STK32B: variants seen among roughly 807,000 people sequenced by gnomAD.
STK32B encodes the protein serine/threonine kinase 32B.
Under a neutral mutation model 52.6 loss-of-function variants are expected in STK32B, and 43 were observed. The observed-to-expected ratio is 0.82, with a 90% CI of 0.64 to 1.05. The LOEUF (loss-of-function observed/expected upper bound fraction) is 1.05. Ranked by LOEUF, STK32B falls within the 50% of genes least tolerant of loss-of-function variation. STK32B has a pLI of 0.00. For missense variants in STK32B, 621 were observed against 534.6 expected, an observed-to-expected ratio of 1.16 and a Z score of -1.59; for synonymous variants, 238 against 204.3, an observed-to-expected ratio of 1.17 and a Z score of -1.41.
chr4:5,156,145 CAT>C (rs759831580), intron 2 of STK32B, among the ~76,000 whole-genome samples: 56 of 151,404 alleles, frequency 3.7e-4, no homozygotes, highest in Admixed American at 8.6e-4. Flanking sequence ...TATACACACT[CAT>C]ATGTATATGT....
At chr4:5,422,444 G>T (rs1712722936) in intron 6 of STK32B, among the ~76,000 whole-genome samples, 1 of 152,214 alleles carries the variant, frequency 6.6e-6, no homozygotes, top group African/African-American at 2.4e-5. Context: ...ACTCACAAAA[G>T]ATGATCCCGG....
intron 3 of STK32B, among the ~76,000 whole-genome samples, chr4:5,274,504 T>G (rs1479502543): frequency 6.6e-6 from 1 of 151,608 alleles, no homozygotes; most frequent in Non-Finnish European, 1.5e-5. Flanking sequence ...ACATCCACCT[T>G]TAAACACGGG....
intron 4 of STK32B, among the ~76,000 whole-genome samples, chr4:5,361,998 C>T (rs1734577557): frequency 6.6e-6 from 1 of 152,048 alleles, no homozygotes; most frequent in South Asian, 2.1e-4. Context: ...CTTTTTTCAC[C>T]ACCATGAAAC....
At chr4:5,372,539 C>G (rs1189499406) in intron 4 of STK32B, among the ~76,000 whole-genome samples, 1 of 152,138 alleles carries the variant, frequency 6.6e-6, no homozygotes, top group Non-Finnish European at 1.5e-5. Context: ...TGTCAGTAAT[C>G]TAATATTTCA....
chr4:5,102,294 C>T (rs2108795025), intron 1 of STK32B, among the ~76,000 whole-genome samples: 1 of 152,316 alleles, frequency 6.6e-6, no homozygotes, highest in South Asian at 2.1e-4. Context: ...CCATGAGCTC[C>T]TCTGAGAGGT....
At chr4:5,098,262 T>C (rs1000882133) in intron 1 of STK32B, among the ~76,000 whole-genome samples, 1 of 152,178 alleles carries the variant, frequency 6.6e-6, no homozygotes, top group African/African-American at 2.4e-5. Context: ...GAAGGACTTG[T>C]TATGTTTACA....
chr4:5,316,650 A>G lies in STK32B; in HGVS notation c.261-14570A>G, dbSNP rs1413768189. On this transcript the variant is annotated intron_variant, in intron 3 of 11. Transcript: ENST00000282908. ...ATATAATATATAATATATTATATAT[A>G]TAATATATAATATATATTATATATA... 6.2e-4 allele frequency among the ~76,000 whole-genome samples: 6 copies of G among 9,676 alleles called. 1 individual carries two copies. Among genetic ancestry groups the G allele is most frequent in the African/African-American group, 2.2e-3 (2 of 896 alleles). The allele number at this position is 9,676 out of a possible 152,430, so 6.3% of individuals were successfully genotyped here.
At chr4:5,187,621 G>C (rs1020694236) in intron 3 of STK32B, among the ~76,000 whole-genome samples, 1 of 151,970 alleles carries the variant, frequency 6.6e-6, no homozygotes, top group African/African-American at 2.4e-5. Flanking sequence ...GGCCGGGCGG[G>C]GGAGGGGGGG....
At chr4:5,377,427 C>T (rs2109019687) in intron 4 of STK32B, among the ~76,000 whole-genome samples, 1 of 152,306 alleles carries the variant, frequency 6.6e-6, no homozygotes, top group East Asian at 1.9e-4. Flanking sequence ...ATCACAACAC[C>T]TATAAGCGCC....
In STK32B at chr4:5,453,871, C is replaced by T. The variant is rs1716252774; in HGVS notation, c.667-2936C>T. Among the ~76,000 whole-genome samples, 1 of 152,068 alleles carries T rather than the reference C, an allele frequency of 6.6e-6. No homozygotes were observed. Among genetic ancestry groups the T allele is most frequent in the Admixed American group, 6.5e-5 (1 of 15,278 alleles). ...AGTGAGCCGAGATCATACCATTGCA[C>T]TCCAGTCTAGGCGACAAGAGTGAAA... On this transcript the variant is annotated intron_variant, in intron 7 of 11. Coordinates refer to ENST00000282908, the MANE Select transcript of STK32B (RefSeq NM_018401.3). This position sits in a 1 kb window ranked among gnomAD's most constrained non-coding sequence, Gnocchi z 4.0.
intron 3 of STK32B, among the ~76,000 whole-genome samples, chr4:5,246,986 G>A (rs556199781): frequency 6.6e-6 from 1 of 152,286 alleles, no homozygotes; most frequent in East Asian, 1.9e-4. Flanking sequence ...CGCCCCTACT[G>A]GGGGGTACCT....
At chr4:5,225,973 G>C (rs1049445352) in intron 3 of STK32B, among the ~76,000 whole-genome samples, 1 of 152,178 alleles carries the variant, frequency 6.6e-6, no homozygotes, top group African/African-American at 2.4e-5. Context: ...TCAGACTTCT[G>C]TTCTCAAGTT....
At position 5,156,224 on chromosome 4, in the gene STK32B, C is replaced by T. The variant is rs113947670; in HGVS notation, c.109-12075C>T. On this transcript the variant is annotated intron_variant, in intron 2 of 11. Coordinates refer to ENST00000282908, the MANE Select transcript of STK32B (RefSeq NM_018401.3). ...TATGTACATACACTTACACATATAG[C>T]GTATACACATACATTGATCTATGAT... Among the ~76,000 whole-genome samples the T allele has an allele frequency of 2.4e-4, 37 of 151,070 alleles. No individual in the cohort carries two copies. The East Asian group carries it at 6.7e-3, about 27-fold the overall frequency.
At chr4:5,290,539 G>A (rs376245587) in intron 3 of STK32B, among the ~76,000 whole-genome samples, 4 of 152,098 alleles carry the variant, frequency 2.6e-5, no homozygotes, top group South Asian at 2.1e-4. Flanking sequence ...TGGGACCACC[G>A]TGGTACATGC....
intron 2 of STK32B, among the ~76,000 whole-genome samples, chr4:5,146,047 AGTT>A (rs987888782): frequency 3.7e-5 from 5 of 136,424 alleles, no homozygotes; most frequent in African/African-American, 5.3e-5. Flanking sequence ...GGTAGGGTCA[AGTT>A]GTTTTTTTTT....
At chr4:5,104,839 G>A (rs1714010939) in intron 1 of STK32B, among the ~76,000 whole-genome samples, 1 of 152,182 alleles carries the variant, frequency 6.6e-6, no homozygotes, top group African/African-American at 2.4e-5. Flanking sequence ...CATGTTGCAT[G>A]TAGCTTTAGT....
chr4:5,168,915 A>G (rs765275511), intron 3 of STK32B, among the ~76,000 whole-genome samples: 1 of 152,106 alleles, frequency 6.6e-6, no homozygotes, highest in Non-Finnish European at 1.5e-5. Flanking sequence ...GCCATCACCC[A>G]TGTTTCAGAA....
chr4:5,052,746 C>A (rs1011493962), intron 1 of STK32B, among the ~76,000 whole-genome samples: 1 of 152,172 alleles, frequency 6.6e-6, no homozygotes, highest in Non-Finnish European at 1.5e-5. Context: ...CAAGCAGTAC[C>A]GAGCTGTGCC....
chr4:5,299,517 T>G (rs1476518877), intron 3 of STK32B, among the ~76,000 whole-genome samples: 1 of 152,190 alleles, frequency 6.6e-6, no homozygotes, highest in Non-Finnish European at 1.5e-5. Flanking sequence ...ATTTATTGAG[T>G]AAGGTGTCCT....
Sources: allele counts gnomAD v4.1 joint callset (sites outside exome capture counted in the v4.1 genomes callset), GRCh38; gene constraint gnomAD v4.1.1; non-coding constraint Gnocchi (gnomAD v3.1); transcripts MANE v1.5; gene names NCBI Gene and HGNC (gene_info 2026-07-23, HGNC 2026-07-21).